DSCAM: variants seen among roughly 807,000 people sequenced by gnomAD.
The protein encoded by DSCAM is cell adhesion molecule DSCAM.
Under a neutral mutation model 217.7 loss-of-function variants are expected in DSCAM, and 47 were observed. The observed-to-expected ratio is 0.22, with a 90% CI of 0.17 to 0.28. DSCAM has a LOEUF of 0.28. DSCAM is among the 10% of genes least tolerant of loss of function. DSCAM has a pLI of 1.00. For missense variants in DSCAM, 2,080 were observed against 2,618.3 expected, an observed-to-expected ratio of 0.79 and a Z score of 4.49; for synonymous variants, 1,056 against 1,015.3, an observed-to-expected ratio of 1.04 and a Z score of -0.76.
At chr21:40,292,753 T>C (rs189331739) in intron 10 of DSCAM, among the ~76,000 whole-genome samples, 10 of 152,226 alleles carry the variant, frequency 6.6e-5, no homozygotes, top group Non-Finnish European at 1.2e-4. Context: ...TCTTTTCCTT[T>C]TTTTTTTGAG....
chr21:40,106,432 CTTTT>C (rs964162972), intron 20 of DSCAM, among the ~76,000 whole-genome samples: 1 of 152,038 alleles, frequency 6.6e-6, no homozygotes, highest in African/African-American at 2.4e-5. Context: ...CTGAAGTTTT[CTTTT>C]TTGTCATATC....
chr21:40,155,654 G>C (rs563774381), intron 16 of DSCAM, among the ~76,000 whole-genome samples: 1 of 152,274 alleles, frequency 6.6e-6, no homozygotes, highest in South Asian at 2.1e-4. Flanking sequence ...GATGGGAGAA[G>C]ACAGTGTCTG....
chr21:40,812,052 C>T (rs1023397527), intron 1 of DSCAM, among the ~76,000 whole-genome samples: 16 of 152,124 alleles, frequency 1.1e-4, no homozygotes, highest in African/African-American at 3.6e-4. Flanking sequence ...AACAATAGAT[C>T]AGGAGAAGGC....
chr21:40,636,512 G>C (rs11088524), intron 3 of DSCAM, among the ~76,000 whole-genome samples: 22 of 151,972 alleles, frequency 1.4e-4, no homozygotes, highest in African/African-American at 5.3e-4. Context: ...CTCTCTTTCC[G>C]AAAATGTGAG....
intron 1 of DSCAM, among the ~76,000 whole-genome samples, chr21:40,713,022 T>C (rs1440169797): frequency 6.6e-6 from 1 of 152,178 alleles, no homozygotes; most frequent in African/African-American, 2.4e-5. Context: ...TCTTTCTCCT[T>C]GATCAGGGGA....
chr21:40,140,306 A>G (rs2090274075), intron 18 of DSCAM, among the ~76,000 whole-genome samples: 3 of 152,158 alleles, frequency 2.0e-5, no homozygotes, highest in Admixed American at 6.5e-5. Flanking sequence ...GAGTGAAAGT[A>G]TCTTTAAAAA....
At chr21:40,193,869 C>T (rs189736340) in intron 11 of DSCAM, among the ~76,000 whole-genome samples, 100 of 152,288 alleles carry the variant, frequency 6.6e-4, no homozygotes, top group Admixed American at 1.4e-3. Flanking sequence ...TGAGAGCAAG[C>T]CAATTCTGAA....
intron 3 of DSCAM, among the ~76,000 whole-genome samples, chr21:40,425,009 G>A (rs1447627356): frequency 2.0e-5 from 3 of 151,994 alleles, no homozygotes; most frequent in Non-Finnish European, 2.9e-5. Flanking sequence ...GAGGCACAAG[G>A]ATTGCTTGAA....
At chr21:40,373,253 A>T (rs1188477394) in intron 3 of DSCAM, among the ~76,000 whole-genome samples, 1 of 152,218 alleles carries the variant, frequency 6.6e-6, no homozygotes, top group East Asian at 1.9e-4. Context: ...GGCATGCATG[A>T]TCTCCAGAAA....
At chr21:40,105,040 G>A (rs1278054141) in intron 20 of DSCAM, among the ~76,000 whole-genome samples, 1 of 152,160 alleles carries the variant, frequency 6.6e-6, no homozygotes, top group African/African-American at 2.4e-5. Flanking sequence ...GCAGTCTTAT[G>A]AGACTGAGCT....
intron 28 of DSCAM, among the ~76,000 whole-genome samples, chr21:40,057,669 G>T (rs370853192): frequency 6.6e-6 from 1 of 152,266 alleles, no homozygotes; most frequent in South Asian, 2.1e-4. Context: ...GAACCACTGC[G>T]ACTGGCTGGC....
rs71186933 is a variant in DSCAM, at chr21:40,402,049, C to CTTTTTTTTTT, written c.509-32814_509-32805dup. 6.9e-5 allele frequency among the ~76,000 whole-genome samples: 4 copies of CTTTTTTTTTT among 58,212 alleles called. 1 individual carries two copies. Among genetic ancestry groups the CTTTTTTTTTT allele is most frequent in the Non-Finnish European group, 1.2e-4 (4 of 34,760 alleles). The allele number at this position is 58,212 out of a possible 152,430, so 38.2% of individuals were successfully genotyped here. On this transcript the variant is annotated intron_variant, in intron 3 of 32. Transcript: ENST00000400454. ...AAATTTATTCTTATTATTCTTATTCCTTTTTTTTTTTTTTTTTTTTTTTTT... is the reference window on the plus strand; with the variant it reads ...AAATTTATTCTTATTATTCTTATTCCTTTTTTTTTTTTTTTTTTTTTTTTTTTTTTTTTTT...
At chr21:40,515,825 G>A (rs73363000) in intron 3 of DSCAM, among the ~76,000 whole-genome samples, 11,564 of 152,062 alleles carry the variant, frequency 0.076, 722 homozygotes, top group African/African-American at 0.17. Flanking sequence ...TATCTCATGT[G>A]TCTAGTATAA....
chr21:40,370,569 G>A (rs983652231), intron 3 of DSCAM, among the ~76,000 whole-genome samples: 1 of 151,504 alleles, frequency 6.6e-6, no homozygotes. Context: ...GTCATTTTCT[G>A]CAGTAACTAC....
At chr21:40,675,581 A>G (rs2090329037) in intron 3 of DSCAM, among the ~76,000 whole-genome samples, 1 of 152,258 alleles carries the variant, frequency 6.6e-6, no homozygotes, top group African/African-American at 2.4e-5. Flanking sequence ...AAATAAGTCC[A>G]ATTTAAATCA....
chr21:40,466,076 A>C (rs937019573), intron 3 of DSCAM, among the ~76,000 whole-genome samples: 2 of 152,206 alleles, frequency 1.3e-5, no homozygotes, highest in Non-Finnish European at 2.9e-5. Context: ...GTTCAGAAAG[A>C]AACGCCAGCA....
At chr21:40,322,989 T>C (rs147837227) in intron 8 of DSCAM, among the ~76,000 whole-genome samples, 58 of 152,308 alleles carry the variant, frequency 3.8e-4, no homozygotes, top group African/African-American at 7.9e-4. Flanking sequence ...CTGGAAGTTA[T>C]TGGCCACCTC....
At chr21:40,362,234 C>T (rs558778000) in intron 4 of DSCAM, among the ~76,000 whole-genome samples, 4 of 152,118 alleles carry the variant, frequency 2.6e-5, no homozygotes, top group African/African-American at 7.2e-5. Context: ...AATAAACATA[C>T]GTGTGCATGT....
At chr21:40,081,251 G>C (rs2057372227) in intron 24 of DSCAM, among the ~76,000 whole-genome samples, 1 of 152,148 alleles carries the variant, frequency 6.6e-6, no homozygotes, top group Non-Finnish European at 1.5e-5. Flanking sequence ...CCTGGAACAT[G>C]GTGTGTTTGC....
Sources: allele counts gnomAD v4.1 joint callset (sites outside exome capture counted in the v4.1 genomes callset), GRCh38; gene constraint gnomAD v4.1.1; transcripts MANE v1.5; gene names NCBI Gene and HGNC (gene_info 2026-07-23, HGNC 2026-07-21).